Variants in MACROD2 observed in about 807,000 individuals in gnomAD.
MACROD2 encodes ADP-ribose glycohydrolase MACROD2.
A neutral mutation model predicts 70.4 loss-of-function variants in MACROD2; 36 were observed. The observed-to-expected ratio is 0.51, with a 90% CI of 0.39 to 0.68. MACROD2 has a LOEUF of 0.68. MACROD2 is among the 30% of genes least tolerant of loss of function. The pLI is 0.00. For missense variants in MACROD2, 496 were observed against 538.4 expected (o/e 0.92, Z 0.78); for synonymous variants, 172 against 178.8 (o/e 0.96, Z 0.30).
At chr20:15,737,704 T>G (rs1319395279) in intron 8 of MACROD2, among the ~76,000 whole-genome samples, 8 of 152,206 alleles carry the variant, frequency 5.3e-5, no homozygotes. Flanking sequence ...TTGAGAACAT[T>G]GTAAATAATT....
At chr20:15,881,405 G>A (rs528078282) in intron 9 of MACROD2, among the ~76,000 whole-genome samples, 10 of 152,082 alleles carry the variant, frequency 6.6e-5, no homozygotes, top group Admixed American at 5.9e-4. Context: ...GAAATCACAG[G>A]AGTGTGGAAA....
At chr20:15,743,338 A>G (rs2051132907) in intron 8 of MACROD2, among the ~76,000 whole-genome samples, 1 of 152,190 alleles carries the variant, frequency 6.6e-6, no homozygotes, top group African/African-American at 2.4e-5. Context: ...GAAGAATTGA[A>G]AATCAAACAG....
intron 3 of MACROD2, among the ~76,000 whole-genome samples, chr20:14,116,874 C>G (rs534616075): frequency 6.6e-6 from 1 of 152,040 alleles, no homozygotes; most frequent in Non-Finnish European, 1.5e-5. Context: ...CAAGACCATC[C>G]TGGGCAACAT....
intron 6 of MACROD2, among the ~76,000 whole-genome samples, chr20:15,383,755 G>C (rs1187276368): frequency 6.6e-6 from 1 of 152,068 alleles, no homozygotes; most frequent in African/African-American, 2.4e-5. Context: ...CAATTGATAA[G>C]TTTCATGTTG....
At position 14,773,525 on chromosome 20, in the gene MACROD2, A is replaced by C. The variant is rs563986238; in HGVS notation, c.418+88566A>C. Among the ~76,000 whole-genome samples, 334 of 152,108 alleles carry C rather than the reference A, an allele frequency of 2.2e-3. 5 individuals are homozygous for C. The highest frequency in any genetic ancestry group is 7.3e-3 in the African/African-American group (301 of 41,458). ...AGCATAATGTCCTGCAGGTTCTTTC[A>C]TGTTGTCATGTTATCACAAATGGGA... On this transcript the variant is annotated intron_variant, in intron 5 of 17. Coordinates refer to ENST00000684519, the MANE Select transcript of MACROD2 (RefSeq NM_001351661.2).
chr20:15,676,436 T>C (rs568670802), intron 8 of MACROD2, among the ~76,000 whole-genome samples: 1 of 152,378 alleles, frequency 6.6e-6, no homozygotes, highest in South Asian at 2.1e-4. Flanking sequence ...TTTTCTTTTC[T>C]ACTTCATTAA....
chr20:15,692,310 C>T (rs2050308831), intron 8 of MACROD2, among the ~76,000 whole-genome samples: 3 of 152,162 alleles, frequency 2.0e-5, no homozygotes, highest in Admixed American at 2.0e-4. Flanking sequence ...TCCTAGGCCT[C>T]CCAAGAGCCA....
At chr20:15,198,590 T>G (rs1450444105) in intron 5 of MACROD2, among the ~76,000 whole-genome samples, 2 of 152,192 alleles carry the variant, frequency 1.3e-5, no homozygotes, top group Non-Finnish European at 2.9e-5. Context: ...ATTAGTATTA[T>G]CCTGTGTAAA....
At chr20:14,127,771 GAGA>G in intron 3 of MACROD2, 3 of 442,386 alleles carry the variant, frequency 6.8e-6, no homozygotes, top group East Asian at 5.3e-5. Flanking sequence ...GGAGGAGCAG[GAGA>G]AGAAGAGAAA....
intron 8 of MACROD2, among the ~76,000 whole-genome samples, chr20:15,515,019 A>C (rs533544512): frequency 6.5e-4 from 99 of 152,336 alleles, no homozygotes; most frequent in African/African-American, 2.2e-3. Flanking sequence ...CATACAACTT[A>C]GAAAGAGTTG....
At chr20:15,281,841 C>T (rs150388405) in intron 6 of MACROD2, among the ~76,000 whole-genome samples, 22 of 152,342 alleles carry the variant, frequency 1.4e-4, no homozygotes, top group African/African-American at 5.1e-4. Context: ...GACTCTAACC[C>T]CACATTTCCC....
In MACROD2 at chr20:15,925,120, A is replaced by G. The variant is rs76934832; in HGVS notation, c.776-8156A>G. On this transcript the variant is annotated intron_variant, in intron 10 of 17. Coordinates refer to ENST00000684519, the MANE Select transcript of MACROD2 (RefSeq NM_001351661.2). ...GTTATGTGCATATCTGAGAACTGGC[A>G]TAATTTATCATCAATTTGCGAGCAC... Among the ~76,000 whole-genome samples, 128 of 152,352 alleles carry G rather than the reference A, an allele frequency of 8.4e-4. 1 individual carries two copies. In the East Asian group the frequency reaches 0.022, roughly 26 times the overall value.
intron 5 of MACROD2, among the ~76,000 whole-genome samples, chr20:15,064,370 T>C (rs1352754107): frequency 6.6e-6 from 1 of 152,178 alleles, no homozygotes; most frequent in Non-Finnish European, 1.5e-5. Context: ...GATGCTGATC[T>C]TGTGTAATTC....
chr20:15,890,214 T>C (rs1235175744), intron 10 of MACROD2, among the ~76,000 whole-genome samples: 1 of 152,148 alleles, frequency 6.6e-6, no homozygotes, highest in Non-Finnish European at 1.5e-5. Context: ...TATTTCAAAA[T>C]GTGGCACATG....
At chr20:15,315,295 C>G (rs939754155) in intron 6 of MACROD2, among the ~76,000 whole-genome samples, 5 of 151,958 alleles carry the variant, frequency 3.3e-5, no homozygotes, top group African/African-American at 9.7e-5. Flanking sequence ...GAAATAATGG[C>G]CAAAGCTCTC....
At chr20:15,315,734 A>C (rs1425718082) in intron 6 of MACROD2, among the ~76,000 whole-genome samples, 1 of 152,212 alleles carries the variant, frequency 6.6e-6, no homozygotes, top group Non-Finnish European at 1.5e-5. Flanking sequence ...TTGAAGTCAT[A>C]TGTAGAAATA....
chr20:14,971,451 G>GC (rs1172192513), intron 5 of MACROD2, among the ~76,000 whole-genome samples: 3 of 111,404 alleles, frequency 2.7e-5, no homozygotes, highest in Admixed American at 1.0e-4. Flanking sequence ...GGTAAAGGGA[G>GC]GGGGGGGACT....
chr20:15,753,354 G>A (rs1306459424), intron 8 of MACROD2, among the ~76,000 whole-genome samples: 2 of 152,090 alleles, frequency 1.3e-5, no homozygotes, highest in Non-Finnish European at 2.9e-5. Flanking sequence ...ACATGTAAGT[G>A]AGAACATGGA....
chr20:14,859,342 G>A (rs1308096619), intron 5 of MACROD2, among the ~76,000 whole-genome samples: 1 of 152,112 alleles, frequency 6.6e-6, no homozygotes, highest in Admixed American at 6.6e-5. Context: ...AATCATGATT[G>A]CTGGTGTGGA....
Sources: gnomAD v4.1 joint callset for allele counts (sites outside exome capture counted in the v4.1 genomes callset) on GRCh38, gnomAD v4.1.1 for gene constraint, MANE v1.5 for transcripts, NCBI Gene and HGNC (gene_info 2026-07-23, HGNC 2026-07-21) for gene names.